HTR2C: variants seen among roughly 807,000 people sequenced by gnomAD.
HTR2C encodes the protein 5-hydroxytryptamine (serotonin) receptor 2C, G protein-coupled.
Under a neutral mutation model 21.0 loss-of-function variants are expected in HTR2C, and 5 were observed. The ratio of observed to expected loss-of-function variants is 0.24; its 90% CI spans 0.12 to 0.50. The LOEUF (loss-of-function observed/expected upper bound fraction) is 0.50. HTR2C is among the 20% of genes least tolerant of loss of function. HTR2C has a pLI of 0.98. For missense variants in HTR2C, 271 were observed against 371.2 expected (o/e 0.73, Z 2.22); for synonymous variants, 150 against 145.3 (o/e 1.03, Z -0.23).
At chrX:114,859,510 C>T (rs1404653074) in intron 5 of HTR2C, among the ~76,000 whole-genome samples, 5 of 111,019 alleles carry the variant, frequency 4.5e-5, no homozygotes, top group Non-Finnish European at 7.6e-5. Flanking sequence ...GTGTAATTAC[C>T]ATCCTTTTAA....
intron 1 of HTR2C, among the ~76,000 whole-genome samples, chrX:114,597,799 C>A (rs1212144397): frequency 2.7e-5 from 3 of 110,590 alleles, no homozygotes; most frequent in Non-Finnish European, 5.7e-5. Flanking sequence ...CAAAATTGTA[C>A]AAAAAAGAGA....
At chrX:114,633,947 T>TAGAGAGAGAGAG (rs59914358) in intron 2 of HTR2C, among the ~76,000 whole-genome samples, 12,909 of 92,031 alleles carry the variant, frequency 0.14, 825 homozygotes, top group African/African-American at 0.22. Context: ...TATATATATA[T>TAGAGAGAGAGAG]AGAGAGAGAG....
At position 114,790,672 on chromosome X, in the gene HTR2C, G is replaced by A. The variant is rs782554638; in HGVS notation, c.350-57331G>A. On this transcript the variant is annotated intron_variant, in intron 4 of 5. Coordinates refer to ENST00000276198, the MANE Select transcript of HTR2C (RefSeq NM_000868.4). ...TGTACATGTCTATTAGAGGCATAGCGTAGAAAATGAATACCCCTTTTCTTT... is the reference window on the plus strand; with the variant it reads ...TGTACATGTCTATTAGAGGCATAGCATAGAAAATGAATACCCCTTTTCTTT... 6.7e-4 allele frequency among the ~76,000 whole-genome samples: 75 copies of A among 111,714 alleles called. 1 individual carries two copies. The highest frequency in any genetic ancestry group is 2.2e-3 in the African/African-American group (67 of 30,830).
chrX:114,742,147 C>T (rs1556425439), intron 4 of HTR2C, among the ~76,000 whole-genome samples: 2 of 111,432 alleles, frequency 1.8e-5, no homozygotes, highest in African/African-American at 6.5e-5. Context: ...GAAACCTTTT[C>T]TTTCTGGCCA....
chrX:114,810,408 A>C (rs1175699393), intron 4 of HTR2C, among the ~76,000 whole-genome samples: 1 of 110,062 alleles, frequency 9.1e-6, no homozygotes, highest in Non-Finnish European at 1.9e-5. Flanking sequence ...ACTTTTGCCC[A>C]TGGTGGTGGG....
chrX:114,877,189 A>C (rs2071145387), intron 5 of HTR2C, among the ~76,000 whole-genome samples: 1 of 111,436 alleles, frequency 9.0e-6, no homozygotes, highest in African/African-American at 3.2e-5. Flanking sequence ...GTATGTTTTT[A>C]AAGAAATGTA....
intron 2 of HTR2C, chrX:114,652,753 C>T (rs781909972): frequency 2.8e-6 from 1 of 355,997 alleles, no homozygotes; most frequent in African/African-American, 2.9e-5. Context: ...CCAGACAGAC[C>T]TTATGATCTA....
chrX:114,817,074 C>T (rs1408068333), intron 4 of HTR2C, among the ~76,000 whole-genome samples: 1 of 110,732 alleles, frequency 9.0e-6, no homozygotes, highest in African/African-American at 3.3e-5. Context: ...CAAACATAAA[C>T]ATAAGCAAAA....
At chrX:114,641,885 C>T (rs1435557901) in intron 2 of HTR2C, among the ~76,000 whole-genome samples, 1 of 110,955 alleles carries the variant, frequency 9.0e-6, no homozygotes, top group Non-Finnish European at 1.9e-5. Flanking sequence ...TGATGCTCTC[C>T]CTCCCCTTAC....
At chrX:114,768,239 T>C (rs1478201018) in intron 4 of HTR2C, among the ~76,000 whole-genome samples, 2 of 111,094 alleles carry the variant, frequency 1.8e-5, no homozygotes, top group Non-Finnish European at 3.8e-5. Flanking sequence ...TATAAATGAC[T>C]TTTACTGTGC....
intron 5 of HTR2C, among the ~76,000 whole-genome samples, chrX:114,858,632 A>G (rs2070982180): frequency 1.8e-5 from 2 of 111,742 alleles, no homozygotes; most frequent in African/African-American, 6.5e-5. Flanking sequence ...TCACTTGTGA[A>G]TGACGACAGA....
At chrX:114,618,145 A>C (rs782805869) in intron 2 of HTR2C, among the ~76,000 whole-genome samples, 1 of 112,388 alleles carries the variant, frequency 8.9e-6, no homozygotes, top group South Asian at 3.6e-4. Context: ...TTAATAATCT[A>C]ACTTAGCCAA....
At chrX:114,796,016 C>A (rs1283989782) in intron 4 of HTR2C, among the ~76,000 whole-genome samples, 3 of 111,064 alleles carry the variant, frequency 2.7e-5, no homozygotes, top group Non-Finnish European at 5.7e-5. Context: ...GTTGTTTTCC[C>A]TTGAGTTTTC....
intron 4 of HTR2C, among the ~76,000 whole-genome samples, chrX:114,779,885 T>C (rs1236069745): frequency 2.2e-5 from 2 of 90,647 alleles, no homozygotes; most frequent in East Asian, 3.9e-4. Context: ...AACAAGTATA[T>C]TGGATGTATA....
At position 114,743,625 on chromosome X, in the gene HTR2C, G is replaced by A. The variant is rs1055599724; in HGVS notation, c.349+12018G>A. ...ATGCCTCAAGAACCTGTGGGATTCA[G>A]CCAAATTACAGAAAATTTGTGCCAT... On this transcript the variant is annotated intron_variant, in intron 4 of 5. Coordinates refer to ENST00000276198, the MANE Select transcript of HTR2C (RefSeq NM_000868.4). Among the ~76,000 whole-genome samples, 7 of 111,550 alleles carry A rather than the reference G, an allele frequency of 6.3e-5. No individual in the cohort carries two copies. The Admixed American group carries it at 6.7e-4, about 11-fold the overall frequency.
intron 4 of HTR2C, among the ~76,000 whole-genome samples, chrX:114,831,839 G>C (rs1402017949): frequency 7.9e-4 from 79 of 99,569 alleles, no homozygotes; most frequent in African/African-American, 2.5e-3. Context: ...TAGGTCTAAC[G>C]TTTAAGTCTT....
At chrX:114,737,655 A>C (rs1465534659) in intron 4 of HTR2C, among the ~76,000 whole-genome samples, 2 of 112,368 alleles carry the variant, frequency 1.8e-5, no homozygotes, top group East Asian at 5.5e-4. Context: ...TAAATTTTGT[A>C]AATCACAAGA....
Position 114,701,179 on chromosome X carries a change from T to A in HTR2C, c.-79-25679T>A, listed in dbSNP as rs781950684. ...GCAGTAACCTCTGCAGACTTAAATG[T>A]CACTGTCTGACAGTTTTGGAGAGAG... On this transcript the variant is annotated intron_variant, in intron 2 of 5. Transcript: ENST00000276198. 4.5e-5 allele frequency among the ~76,000 whole-genome samples: 5 copies of A among 112,065 alleles called. No individual in the cohort carries two copies. The East Asian group carries it at 1.1e-3, about 26-fold the overall frequency.
intron 4 of HTR2C, among the ~76,000 whole-genome samples, chrX:114,745,654 A>C (rs1242214167): frequency 1.8e-5 from 2 of 112,384 alleles, no homozygotes; most frequent in African/African-American, 6.5e-5. Flanking sequence ...ATTTTCAACA[A>C]CATGAATGGA....
Sources: gnomAD v4.1 joint callset for allele counts (sites outside exome capture counted in the v4.1 genomes callset) on GRCh38, gnomAD v4.1.1 for gene constraint, MANE v1.5 for transcripts, NCBI Gene and HGNC (gene_info 2026-07-23, HGNC 2026-07-21) for gene names.